AOPEP: variants seen among roughly 807,000 people sequenced by gnomAD.
The protein encoded by AOPEP is aminopeptidase O.
AOPEP carries 77 observed loss-of-function variants against 98.1 expected under a neutral mutation model. The ratio of observed to expected loss-of-function variants is 0.78; its 90% CI spans 0.65 to 0.95. The LOEUF is 0.95. Ranked by LOEUF, AOPEP falls within the 40% of genes least tolerant of loss-of-function variation. AOPEP has a pLI of 0.00. For synonymous variants in AOPEP, 346 were observed against 365.3 expected (o/e 0.95, Z 0.60); for missense variants, 1,024 against 1,024.7 (o/e 1.00, Z 0.01).
intron 10 of AOPEP, among the ~76,000 whole-genome samples, chr9:94,974,769 G>A (rs998026910): frequency 6.6e-6 from 1 of 152,190 alleles, no homozygotes; most frequent in African/African-American, 2.4e-5. Context: ...CAGTTCCATA[G>A]TAGAAACCCA....
At chr9:94,794,906 A>G (rs1424378593) in intron 4 of AOPEP, among the ~76,000 whole-genome samples, 4 of 152,204 alleles carry the variant, frequency 2.6e-5, no homozygotes, top group Non-Finnish European at 5.9e-5. Context: ...TGGACTTGGT[A>G]TTAGCAAGAA....
At chr9:95,088,769 A>T (rs1182014203), downstream of AOPEP, among the ~76,000 whole-genome samples, 1 of 152,234 alleles carries the variant, frequency 6.6e-6, no homozygotes, top group African/African-American at 2.4e-5. Context: ...ACTGCTGAAT[A>T]GGTGGGGTTC....
intron 5 of AOPEP, among the ~76,000 whole-genome samples, chr9:94,813,851 T>C (rs1258773376): frequency 6.6e-6 from 1 of 152,140 alleles, no homozygotes; most frequent in African/African-American, 2.4e-5. Context: ...TAGGATGCAA[T>C]GTGAGATTGA....
At chr9:95,042,084 G>A (rs1405703249) in intron 13 of AOPEP, among the ~76,000 whole-genome samples, 1 of 152,092 alleles carries the variant, frequency 6.6e-6, no homozygotes, top group Non-Finnish European at 1.5e-5. Flanking sequence ...AGGCCGAGGC[G>A]GGCGGATCAC....
At chr9:95,138,356 G>C in the AOPEP span, among the ~76,000 whole-genome samples, 9 of 152,342 alleles carry the variant, frequency 5.9e-5, no homozygotes, top group Admixed American at 2.0e-4. Context: ...AAGAGGAAAG[G>C]CTTTTCCATC....
At chr9:95,020,635 G>A (rs889414045) in intron 13 of AOPEP, among the ~76,000 whole-genome samples, 1 of 151,590 alleles carries the variant, frequency 6.6e-6, no homozygotes, top group Admixed American at 6.6e-5. Flanking sequence ...AAGAAATATA[G>A]GGCCAGGCAT....
the AOPEP span, chr9:95,135,387 A>T: frequency 3.7e-6 from 6 of 1,613,982 alleles, no homozygotes; most frequent in Non-Finnish European, 4.2e-6. Flanking sequence ...CTTCTCAGAC[A>T]ATTTCTCTCA....
At chr9:94,925,009 T>A (rs2054090821) in intron 6 of AOPEP, among the ~76,000 whole-genome samples, 1 of 152,176 alleles carries the variant, frequency 6.6e-6, no homozygotes, top group South Asian at 2.1e-4. Flanking sequence ...TTGTTGTTGT[T>A]GAGACGGAGT....
downstream of AOPEP, among the ~76,000 whole-genome samples, chr9:95,090,750 T>G (rs1454209455): frequency 6.6e-6 from 1 of 151,934 alleles, no homozygotes; most frequent in African/African-American, 2.4e-5. Context: ...AGGCAAAAAG[T>G]GGGGTGAGGG....
At chr9:95,130,732 CTTG>C in the AOPEP span, among the ~76,000 whole-genome samples, 2 of 152,194 alleles carry the variant, frequency 1.3e-5, no homozygotes, top group Admixed American at 1.3e-4. Flanking sequence ...GTGGGAAGCC[CTTG>C]TTGTTAATAT....
At chr9:94,859,021 C>G (rs1038012752) in intron 5 of AOPEP, among the ~76,000 whole-genome samples, 64 of 7,486 alleles carry the variant, frequency 8.5e-3, no homozygotes, top group Non-Finnish European at 0.011. Context: ...GAGCGAGACT[C>G]CATTTCAAAA....
At chr9:94,769,252 T>G (rs1717421310) in intron 2 of AOPEP, among the ~76,000 whole-genome samples, 1 of 152,214 alleles carries the variant, frequency 6.6e-6, no homozygotes, top group African/African-American at 2.4e-5. Flanking sequence ...TGCTAAAATG[T>G]AGCTACCCAA....
At chr9:94,953,806 C>T (rs1031457963) in intron 7 of AOPEP, among the ~76,000 whole-genome samples, 3 of 152,164 alleles carry the variant, frequency 2.0e-5, no homozygotes, top group African/African-American at 7.2e-5. Context: ...CAGTGAGTGG[C>T]CGGTTTTAGA....
chr9:94,950,733 G>A (rs1390460820), intron 7 of AOPEP, among the ~76,000 whole-genome samples: 5 of 152,234 alleles, frequency 3.3e-5, no homozygotes, highest in Admixed American at 6.5e-5. Flanking sequence ...GGCAGCAGCA[G>A]GTTTATAGTT....
At chr9:95,040,956 G>A (rs1346068977) in intron 13 of AOPEP, among the ~76,000 whole-genome samples, 1 of 151,948 alleles carries the variant, frequency 6.6e-6, no homozygotes, top group Non-Finnish European at 1.5e-5. Context: ...AGCCATGGCT[G>A]GTTAATTTTT....
At chr9:95,086,334 T>C (rs2070693864) in intron 16 of AOPEP, 1 of 985,334 alleles carries the variant, frequency 1.0e-6, no homozygotes, top group Non-Finnish European at 1.2e-6. Flanking sequence ...GGGGGCCGTT[T>C]GCCCCCATGT....
chr9:95,043,280 G>A (rs13283674), intron 13 of AOPEP, among the ~76,000 whole-genome samples: 4 of 25,228 alleles, frequency 1.6e-4, no homozygotes, highest in Non-Finnish European at 7.0e-4. Flanking sequence ...CTGTATATAT[G>A]TACAGATACA....
At chr9:94,936,478 G>C (rs936206799) in intron 7 of AOPEP, among the ~76,000 whole-genome samples, 7 of 152,300 alleles carry the variant, frequency 4.6e-5, no homozygotes, top group Non-Finnish European at 8.8e-5. Context: ...GGTTTCTTCT[G>C]AGCCCTCACT....
At position 94,907,996 on chromosome 9, in the gene AOPEP, TGA is replaced by T. The variant is rs548915017; in HGVS notation, c.1365-15986_1365-15985del. Among the ~76,000 whole-genome samples, 263 of 152,298 alleles carry T rather than the reference TGA, an allele frequency of 1.7e-3. 1 individual carries two copies. Among genetic ancestry groups the T allele is most frequent in the Non-Finnish European group, 3.1e-3 (212 of 68,014 alleles). On this transcript the variant is annotated intron_variant, in intron 5 of 16. Transcript: ENST00000375315. ...TGGAAATTATTTTCCTCACTTTTCC[TGA>T]GAGGGGAAGTATAAGACACCAGGCT...
Sources: allele counts gnomAD v4.1 joint callset (sites outside exome capture counted in the v4.1 genomes callset), GRCh38; gene constraint gnomAD v4.1.1; transcripts MANE v1.5; gene names NCBI Gene and HGNC (gene_info 2026-07-23, HGNC 2026-07-21).